Variants in ABI1 observed in about 807,000 individuals in gnomAD.
ABI1 encodes Abelson interactor 1.
In ABI1, 14 loss-of-function variants were observed where a neutral mutation model predicts 54.6. The ratio of observed to expected loss-of-function variants is 0.26; its 90% CI spans 0.17 to 0.40. ABI1 has a LOEUF of 0.40. Ranked by LOEUF, ABI1 falls within the 10% of genes least tolerant of loss-of-function variation. ABI1 has a pLI of 1.00. For synonymous variants in ABI1, 194 were observed against 209.3 expected (o/e 0.93, Z 0.63); for missense variants, 443 against 598.3 (o/e 0.74, Z 2.71).
rs555018344 is a variant in ABI1, at chr10:26,809,108, A to G, written c.285+14030T>C. Among the ~76,000 whole-genome samples the G allele has an allele frequency of 2.6e-5, 4 of 152,166 alleles. No individual in the cohort carries two copies. In the South Asian group the frequency reaches 8.3e-4, roughly 32 times the overall value. On this transcript the variant is annotated intron_variant, in intron 2 of 10. Transcript: ENST00000376140. Reference sequence around the variant, plus strand: ...AACATGGTGAAACCTCGTCTCTACCAAAAATACAAAAATTAGCCGAGCATG... The same window carrying G: ...AACATGGTGAAACCTCGTCTCTACCGAAAATACAAAAATTAGCCGAGCATG...
chr10:26,766,006 G>A (rs1839907391), intron 6 of ABI1, among the ~76,000 whole-genome samples: 1 of 152,084 alleles, frequency 6.6e-6, no homozygotes, highest in South Asian at 2.1e-4. Context: ...TGGGAAAACT[G>A]ACATGAAAAG....
chr10:26,832,439 CTGGGAA>C (rs2048745975), intron 1 of ABI1, among the ~76,000 whole-genome samples: 1 of 152,044 alleles, frequency 6.6e-6, no homozygotes, highest in Non-Finnish European at 1.5e-5. Flanking sequence ...AAAAAATTAG[CTGGGAA>C]TGGTGGCGGG....
chr10:26,787,995 TG>T (rs1842919234), intron 2 of ABI1, among the ~76,000 whole-genome samples: 1 of 152,244 alleles, frequency 6.6e-6, no homozygotes, highest in South Asian at 2.1e-4. Flanking sequence ...TGATAAGGTT[TG>T]GCTCTGTGTC....
At chr10:26,837,114 G>A (rs1000101720) in intron 1 of ABI1, among the ~76,000 whole-genome samples, 4 of 152,104 alleles carry the variant, frequency 2.6e-5, no homozygotes, top group Non-Finnish European at 2.9e-5. Context: ...ATTTTAAACT[G>A]TATTAAATAT....
rs749116780 is a variant in ABI1, at chr10:26,823,131, CTGT to C, written c.285+4_285+6del. Reference sequence around the variant, plus strand: ...AATTGAATTTAAAGCATTTTATAAGCTGTTACCTGTGAGATATGATTGATGGAA... The same window carrying C: ...AATTGAATTTAAAGCATTTTATAAGCTACCTGTGAGATATGATTGATGGAA... On this transcript the variant is annotated splice_donor_5th_base_variant and intron_variant, in intron 2 of 10. Transcript: ENST00000376140. The C allele has an allele frequency of 4.4e-6, 7 of 1,583,008 alleles. No homozygotes were observed. In the South Asian group the frequency reaches 7.2e-5, roughly 16 times the overall value.
chr10:26,843,397 T>C (rs543098176), intron 1 of ABI1, among the ~76,000 whole-genome samples: 1 of 133,864 alleles, frequency 7.5e-6, no homozygotes, highest in Non-Finnish European at 1.5e-5. Context: ...GAGGTTGTAG[T>C]GAGCTGAGAT....
At chr10:26,818,173 A>C (rs2047709886) in intron 2 of ABI1, among the ~76,000 whole-genome samples, 1 of 91,684 alleles carries the variant, frequency 1.1e-5, no homozygotes, top group African/African-American at 5.3e-5. Flanking sequence ...AAAAAAAAAA[A>C]AAAAAAAAAA....
chr10:26,826,239 G>C (rs1285322613), intron 1 of ABI1, among the ~76,000 whole-genome samples: 1 of 152,180 alleles, frequency 6.6e-6, no homozygotes, highest in Non-Finnish European at 1.5e-5. Flanking sequence ...GTGTTAGCAG[G>C]CATGAAAACA....
In ABI1 at chr10:26,860,320, C is replaced by G. The variant is rs1312408559; in HGVS notation, c.117+427G>C. On this transcript the variant is annotated intron_variant, in intron 1 of 10. Coordinates refer to ENST00000376140, the MANE Select transcript of ABI1 (RefSeq NM_001012750.3). This position sits in a 1 kb window ranked among gnomAD's most constrained non-coding sequence, Gnocchi z 4.1. The stretch of plus-strand genomic sequence containing the variant: ...CCCTGCCCTCTCCTCTCCCCTCTCC[C>G]GTCCTGGACCTCCTCTCCCGGCGCA... Among the ~76,000 whole-genome samples the G allele has an allele frequency of 6.6e-6, 1 of 152,140 alleles. No individual in the cohort carries two copies. The highest frequency in any genetic ancestry group is 1.5e-5 in the Non-Finnish European group (1 of 68,028).
rs567256999 is a variant in ABI1, at chr10:26,760,114, A to G, written c.821-876T>C. On this transcript the variant is annotated intron_variant, in intron 7 of 10. Coordinates refer to ENST00000376140, the MANE Select transcript of ABI1 (RefSeq NM_001012750.3). Reference sequence around the variant, plus strand: ...AAAAAAAAAATTAGCATGCTCATATATTTTCATCAGTTAATATCGAAACTG... The same window carrying G: ...AAAAAAAAAATTAGCATGCTCATATGTTTTCATCAGTTAATATCGAAACTG... Among the ~76,000 whole-genome samples, 19 of 152,050 alleles carry G rather than the reference A, an allele frequency of 1.2e-4. No individual in the cohort carries two copies. The South Asian group carries it at 3.9e-3, about 32-fold the overall frequency.
chr10:26,802,443 G>A (rs114125344), intron 2 of ABI1, among the ~76,000 whole-genome samples: 67 of 152,222 alleles, frequency 4.4e-4, no homozygotes, highest in African/African-American at 1.5e-3. Flanking sequence ...CCTAAAATGA[G>A]GGCAAAGGCA....
rs777862404 is a variant in ABI1, at chr10:26,755,239, C to T, written c.1084+416G>A. Among the ~76,000 whole-genome samples the T allele has an allele frequency of 3.3e-5, 5 of 152,068 alleles. No homozygotes were observed. The South Asian group carries it at 6.2e-4, about 19-fold the overall frequency. The stretch of plus-strand genomic sequence containing the variant: ...TTTGAAATTAAGGGGGGAAAATCTG[C>T]CCCAATTTCATATTAAATTTAATCT... On this transcript the variant is annotated intron_variant, in intron 9 of 10. Coordinates refer to ENST00000376140, the MANE Select transcript of ABI1 (RefSeq NM_001012750.3).
intron 1 of ABI1, among the ~76,000 whole-genome samples, chr10:26,853,203 C>A (rs1398238803): frequency 7.0e-6 from 1 of 142,222 alleles, no homozygotes; most frequent in African/African-American, 2.6e-5. Flanking sequence ...CCACTGCACT[C>A]CGGCCTGGGT....
chr10:26,782,313 C>A (rs1235124571), intron 2 of ABI1, among the ~76,000 whole-genome samples: 2 of 152,072 alleles, frequency 1.3e-5, no homozygotes, highest in African/African-American at 2.4e-5. Context: ...CATCTTATAT[C>A]GCTTAGTACT....
intron 8 of ABI1, among the ~76,000 whole-genome samples, chr10:26,757,079 T>C (rs1277718323): frequency 6.6e-6 from 1 of 152,078 alleles, no homozygotes; most frequent in African/African-American, 2.4e-5. Context: ...TAGAAACAAC[T>C]CTTAGTAACT....
At chr10:26,779,778 T>C (rs1450140169) in intron 2 of ABI1, among the ~76,000 whole-genome samples, 2 of 152,168 alleles carry the variant, frequency 1.3e-5, no homozygotes, top group Non-Finnish European at 2.9e-5. Flanking sequence ...CTCAGCATTT[T>C]CTGGTGGTAT....
chr10:26,853,605 T>C (rs1394869927), intron 1 of ABI1, among the ~76,000 whole-genome samples: 4 of 147,584 alleles, frequency 2.7e-5, no homozygotes, highest in Admixed American at 2.1e-4. Context: ...AGTGGCACAA[T>C]CTCAGCTCAC....
At chr10:26,850,628 A>G (rs983616077) in intron 1 of ABI1, among the ~76,000 whole-genome samples, 1 of 150,818 alleles carries the variant, frequency 6.6e-6, no homozygotes, top group Non-Finnish European at 1.5e-5. Flanking sequence ...ATTGCACTCC[A>G]GCCTGGGCAA....
chr10:26,821,930 T>C (rs1004141560), intron 2 of ABI1, among the ~76,000 whole-genome samples: 4 of 151,922 alleles, frequency 2.6e-5, no homozygotes, highest in African/African-American at 9.7e-5. Flanking sequence ...ATAAACAGAA[T>C]AGGCTTGTAT....
Sources: allele counts gnomAD v4.1 joint callset (sites outside exome capture counted in the v4.1 genomes callset), GRCh38; gene constraint gnomAD v4.1.1; non-coding constraint Gnocchi (gnomAD v3.1); transcripts MANE v1.5; gene names NCBI Gene and HGNC (gene_info 2026-07-23, HGNC 2026-07-21).